UBA1: variants seen among roughly 807,000 people sequenced by gnomAD.
UBA1 encodes ubiquitin-like modifier-activating enzyme 1.
Under a neutral mutation model 84.7 loss-of-function variants are expected in UBA1, and 4 were observed. That is an observed-to-expected ratio of 0.05 (90% CI 0.02 to 0.11). UBA1 has a LOEUF of 0.11. Among genes scored for constraint, UBA1 ranks in the 10% least tolerant of loss-of-function variants. The pLI is 1.00. For synonymous variants in UBA1, 364 were observed against 362.6 expected (o/e 1.00, Z -0.04); for missense variants, 513 against 902.8 (o/e 0.57, Z 5.53).
intron 5 of UBA1, among the ~76,000 whole-genome samples, chrX:47,199,845 C>T (rs1300955929): frequency 9.3e-6 from 1 of 107,472 alleles, no homozygotes; most frequent in Non-Finnish European, 1.9e-5. Flanking sequence ...TGCAGTGGCG[C>T]GATCTCGGCT....
chrX:47,203,413 C>T, intron 13 of UBA1, 128 bp from the exon 14 acceptor site: 1 of 914,085 alleles, frequency 1.1e-6, no homozygotes, highest in Non-Finnish European at 1.6e-6. Context: ...TTCTTAGAGT[C>T]CTGCAACCTG....
chrX:47,206,256 A>G lies in UBA1; in HGVS notation c.1750A>G (p.Met584Val), dbSNP rs782150444. 22 of 1,203,100 alleles carry G rather than the reference A, an allele frequency of 1.8e-5. No individual in the cohort carries two copies. Among genetic ancestry groups the G allele is most frequent in the South Asian group, 3.6e-5 (2 of 55,634 alleles). Residue 584 changes from methionine (M) to valine (V), a missense_variant, in exon 16 of 26, where the codon ATG becomes GTG. Coordinates refer to ENST00000335972, the MANE Select transcript of UBA1 (RefSeq NM_003334.4). Reference protein sequence around the residue: ...ALDNVDARMYMDRRCVYYRKP... With the variant: ...ALDNVDARMYVDRRCVYYRKP... The stretch of plus-strand genomic sequence containing the variant: ...CTTTGTGCTCCCCACAGGCATGTAC[A>G]TGGACCGCCGCTGTGTCTACTACCG...
chrX:47,212,321 C>T (rs1936960720), intron 20 of UBA1, 103 bp from the exon 21 acceptor site: 3 of 583,444 alleles, frequency 5.1e-6, no homozygotes, highest in Non-Finnish European at 8.8e-6. Flanking sequence ...TTTCCAAATC[C>T]TTTTTGTACC....
chrX:47,209,587 C>A (rs781892131), intron 16 of UBA1, 36 bp from the exon 17 acceptor site: 5 of 1,194,521 alleles, frequency 4.2e-6, no homozygotes, highest in Non-Finnish European at 5.7e-6. Context: ...ATTTTGTCAA[C>A]TGTGGCCACA....
chrX:47,201,422 C>T, intron 7 of UBA1, 56 bp downstream of exon 7: 4 of 1,211,032 alleles, frequency 3.3e-6, no homozygotes, highest in Non-Finnish European at 4.5e-6. Flanking sequence ...GTAGTCCTTC[C>T]TGTCTGCTCT....
chrX:47,191,550 T>G (rs1936063320), upstream of UBA1: 1 of 111,782 alleles, frequency 8.9e-6, no homozygotes. Flanking sequence ...CCGGCCTTTA[T>G]TCATTATTCA....
chrX:47,206,815 C>T (rs1278047604), intron 16 of UBA1, among the ~76,000 whole-genome samples: 2 of 111,345 alleles, frequency 1.8e-5, no homozygotes, highest in Non-Finnish European at 3.8e-5. Context: ...CCCTTTACTC[C>T]CTACTATTTC....
chrX:47,203,861 G>A (rs1283857749), intron 14 of UBA1, among the ~76,000 whole-genome samples, 165 bp downstream of exon 14: 1 of 105,293 alleles, frequency 9.5e-6, no homozygotes, highest in African/African-American at 3.5e-5. Flanking sequence ...CGATTCTCCT[G>A]CCTCAGCCTC....
chrX:47,199,122 G>T lies in UBA1; in HGVS notation c.176+16G>T. 1 of 1,212,375 alleles carries T rather than the reference G, an allele frequency of 8.2e-7. No individual in the cohort carries two copies. Among genetic ancestry groups the T allele is most frequent in the South Asian group, 1.8e-5 (1 of 57,040 alleles). ...CCCGGCAGCTGTAAGTGGGGCCAAG[G>T]CCGGGCTGAGGGGTGTGGAATGGGA... On this transcript the variant is annotated intron_variant, in intron 3 of 25. Coordinates refer to ENST00000335972, the MANE Select transcript of UBA1 (RefSeq NM_003334.4).
rs1937070734 is a variant in UBA1, at chrX:47,214,627, T to C, written c.3031T>C (p.Leu1011=). 8.3e-7 allele frequency: 1 copy of C among 1,207,550 alleles called. No homozygotes were observed. The highest frequency in any genetic ancestry group is 1.1e-6 in the Non-Finnish European group (1 of 893,862). Residue 1011 remains leucine (L), a synonymous_variant, in exon 25 of 26, where the codon TTG becomes CTG. Coordinates refer to ENST00000335972, the MANE Select transcript of UBA1 (RefSeq NM_003334.4). ...GCCAGCTGCCAAGCTCAAGGAACGG[T>C]TGGATCAGCCGTGAGTTGGACACTG... ...FMPAAKLKER[L]DQPMTEIVSR...
At chrX:47,202,920 C>G in intron 11 of UBA1, 23 bp from the exon 12 acceptor site, 1 of 1,206,048 alleles carries the variant, frequency 8.3e-7, no homozygotes, top group East Asian at 3.0e-5. Context: ...CTGACCACCC[C>G]CTCTCTCCCT....
At position 47,210,894 on chromosome X, in the gene UBA1, C is replaced by T. The variant is rs1936888439; in HGVS notation, c.2252C>T (p.Pro751Leu). 3.3e-6 allele frequency: 4 copies of T among 1,209,374 alleles called. No individual in the cohort carries two copies. The highest frequency in any genetic ancestry group is 1.8e-5 in the South Asian group (1 of 56,736). The stretch of plus-strand genomic sequence containing the variant: ...TCTGGGCCCAAACGCTGTCCACACC[C>T]GCTCACCTTTGATGTCAACAATGTA... ...FWSGPKRCPH[P>L]LTFDVNNPLH... is the part of the protein sequence containing the mutation. Residue 751 changes from proline to leucine, a missense_variant, in exon 19 of 26, where the codon CCG (proline) becomes CTG (leucine). By Grantham distance (98) the Pro-to-Leu change is moderately conservative. This residue lies in a region of UBA1 where 151 missense variants were observed against 260.1 expected (regional missense o/e 0.58). Coordinates refer to ENST00000335972, the MANE Select transcript of UBA1 (RefSeq NM_003334.4).
intron 22 of UBA1, 27 bp downstream of exon 22, chrX:47,212,890 C>T (rs1602658596): frequency 8.3e-7 from 1 of 1,206,921 alleles, no homozygotes; most frequent in Non-Finnish European, 1.1e-6. Flanking sequence ...TCTGATGTTC[C>T]ACCCTCCTCC....
chrX:47,211,520 A>G (rs1361108977), intron 20 of UBA1, among the ~76,000 whole-genome samples: 7 of 110,574 alleles, frequency 6.3e-5, no homozygotes. Context: ...TGATCTGTTC[A>G]TCTAGGAGGT....
rs917299448 is a variant in UBA1 at position 47,193,917 on chromosome X, C to G, written c.-108C>G. The G allele has an allele frequency of 1.8e-5, 2 of 112,490 alleles. No individual in the cohort carries two copies. The highest frequency in any genetic ancestry group is 6.5e-5 in the African/African-American group (2 of 30,751). 9.3% of individuals were successfully genotyped at this position (112,490 alleles called of 1,213,427 possible). ...GGAGGAGAAGGCGGCAGCGGCGATT[C>G]TAGGCGGCCCAGGCGGCGGGGAGGA... is the stretch of plus-strand genomic sequence containing the variant. On this transcript the variant is annotated 5_prime_UTR_variant, in exon 1 of 26. Coordinates refer to ENST00000335972, the MANE Select transcript of UBA1 (RefSeq NM_003334.4).
At position 47,205,751 on chromosome X, in the gene UBA1, G is replaced by A; in HGVS notation, c.1576-197G>A. 6.2e-6 allele frequency: 3 copies of A among 481,197 alleles called. No individual in the cohort carries two copies. In the Admixed American group the frequency reaches 9.9e-5, roughly 16 times the overall value. The allele number at this position is 481,197 out of a possible 1,213,427, so 39.7% of individuals were successfully genotyped here. A position where few individuals can be genotyped will look rare whatever the true frequency, so the allele number is the denominator to read the frequency against. Reference sequence around the variant, plus strand: ...CACCTGTGGTCCCAGCTACTCGGGAGGCTGAGGTGGGAGGATCGCTGGAGC... The same window carrying A: ...CACCTGTGGTCCCAGCTACTCGGGAAGCTGAGGTGGGAGGATCGCTGGAGC... On this transcript the variant is annotated intron_variant, in intron 14 of 25. Transcript: ENST00000335972.
intron 1 of UBA1, 76 bp from the exon 2 acceptor site, chrX:47,198,727 C>T (rs1936293541): frequency 2.0e-6 from 2 of 994,490 alleles, no homozygotes; most frequent in Admixed American, 2.2e-5. Flanking sequence ...CTTCCCTTCC[C>T]CCACAGTTGC....
At chrX:47,212,099 T>C (rs1321817711) in intron 20 of UBA1, among the ~76,000 whole-genome samples, 1 of 105,609 alleles carries the variant, frequency 9.5e-6, no homozygotes, top group Non-Finnish European at 1.9e-5. Context: ...GTTCCCCCCA[T>C]CTTGCTCTAC....
chrX:47,200,427 G>C (rs1295542619), intron 5 of UBA1, among the ~76,000 whole-genome samples: 1 of 112,345 alleles, frequency 8.9e-6, no homozygotes, highest in African/African-American at 3.2e-5. Context: ...GGGCACTGCA[G>C]CTAAATCCTG....
Sources: gnomAD v4.1 joint callset for allele counts (sites outside exome capture counted in the v4.1 genomes callset) on GRCh38, gnomAD v4.1.1 for gene constraint, gnomAD v4.1.1 regional missense constraint, MANE v1.5 for transcripts, NCBI Gene and HGNC (gene_info 2026-07-23, HGNC 2026-07-21) for gene names.